The following GATAD1 variants were observed in gnomAD, a reference collection of about 807,000 sequenced individuals.
The protein encoded by GATAD1 is GATA zinc finger domain containing 1.
Under a neutral mutation model 26.5 loss-of-function variants are expected in GATAD1, and 12 were observed. The observed-to-expected ratio is 0.45, with a 90% CI of 0.29 to 0.73. The LOEUF (loss-of-function observed/expected upper bound fraction) is 0.73. Ranked by LOEUF, GATAD1 falls within the 30% of genes least tolerant of loss-of-function variation. GATAD1 has a pLI of 0.10. For missense variants in GATAD1, 266 were observed against 342.1 expected (o/e 0.78, Z 1.75); for synonymous variants, 129 against 133.1 (o/e 0.97, Z 0.21).
chr7:92,456,595 TGTG>T lies in GATAD1; in HGVS notation c.*38_*40del, dbSNP rs1172124956. On this transcript the variant is annotated 3_prime_UTR_variant, in exon 5 of 5. Coordinates refer to ENST00000287957, the MANE Select transcript of GATAD1 (RefSeq NM_021167.5). ...ATTAAAACTGGGTTTCCAGGCCTGG[TGTG>T]GTGGCTCACGCCTGTAGCCCCAGCT... is the stretch of plus-strand genomic sequence containing the variant. The T allele has an allele frequency of 4.8e-6, 7 of 1,446,238 alleles. No homozygotes were observed. Among genetic ancestry groups the T allele is most frequent in the Non-Finnish European group, 6.8e-6 (7 of 1,033,530 alleles). 89.6% of individuals were successfully genotyped at this position (1,446,238 alleles called of 1,614,324 possible).
Position 92,450,766 on chromosome 7 carries a change from C to G in GATAD1, c.435+6C>G, listed in dbSNP as rs1278297047. 1 of 1,585,464 alleles carries G rather than the reference C, an allele frequency of 6.3e-7. No homozygotes were observed. The highest frequency in any genetic ancestry group is 1.3e-5 in the African/African-American group (1 of 74,496). On this transcript the variant is annotated splice_donor_region_variant and intron_variant, in intron 3 of 4. Transcript: ENST00000287957. ...CAGAATCAATCTTCTACAAGGTAAG[C>G]TTTTGTAGAGTTACTGAAGGAAGAG...
At chr7:92,485,331 G>C in the GATAD1 span, among the ~76,000 whole-genome samples, 1 of 152,076 alleles carries the variant, frequency 6.6e-6, no homozygotes, top group Non-Finnish European at 1.5e-5. Flanking sequence ...CCAGTCATTG[G>C]AGCCATATCA....
chr7:92,479,267 G>A, the GATAD1 span, among the ~76,000 whole-genome samples: 1 of 152,148 alleles, frequency 6.6e-6, no homozygotes, highest in African/African-American at 2.4e-5. Context: ...ATTTCACCTG[G>A]GTGCAGGCGG....
the GATAD1 span, chr7:92,487,603 T>C: frequency 8.4e-6 from 6 of 717,594 alleles, no homozygotes; most frequent in Non-Finnish European, 9.5e-6. Flanking sequence ...CAAAAGATAA[T>C]GGATTGTTGG....
intron 4 of GATAD1, among the ~76,000 whole-genome samples, chr7:92,456,010 C>G (rs1789654436): frequency 6.6e-6 from 1 of 152,156 alleles, no homozygotes. Context: ...GTGACTTTGG[C>G]AAGTTTCTTA....
At chr7:92,487,564 T>A in the GATAD1 span, 1 of 1,133,376 alleles carries the variant, frequency 8.8e-7, no homozygotes, top group Non-Finnish European at 1.3e-6. Flanking sequence ...AGAGATAATT[T>A]AATATGTATA....
the GATAD1 span, among the ~76,000 whole-genome samples, chr7:92,477,200 C>T: frequency 7.9e-3 from 1,206 of 152,254 alleles, 19 homozygotes; most frequent in African/African-American, 0.028. Context: ...CAAACCAAGT[C>T]CCCAACCCAG....
chr7:92,465,097 T>G, the GATAD1 span: 1 of 152,234 alleles, frequency 6.6e-6, no homozygotes, highest in Non-Finnish European at 1.5e-5. Flanking sequence ...TCCCTCATTC[T>G]ACAGATAGGA....
In GATAD1 at chr7:92,447,722, C is replaced by G. The variant is rs1461956278; in HGVS notation, c.-8C>G. 6.8e-7 allele frequency: 1 copy of G among 1,462,294 alleles called. No individual in the cohort carries two copies. The highest frequency in any genetic ancestry group is 9.0e-7 in the Non-Finnish European group (1 of 1,106,374). The allele number at this position is 1,462,294 out of a possible 1,614,324, so 90.6% of individuals were successfully genotyped here. On this transcript the variant is annotated 5_prime_UTR_variant, in exon 1 of 5. Coordinates refer to ENST00000287957, the MANE Select transcript of GATAD1 (RefSeq NM_021167.5). ...CTGCGCCCGCGGGGGCCGCCCGAGC[C>G]GGCCACCATGCCGCTGGGCCTGAAG...
intron 2 of GATAD1, chr7:92,449,118 A>G: frequency 8.5e-7 from 1 of 1,182,764 alleles, no homozygotes. Flanking sequence ...TGGAAAATAT[A>G]AAATATGGGT....
chr7:92,480,249 G>T, the GATAD1 span, among the ~76,000 whole-genome samples: 6 of 150,528 alleles, frequency 4.0e-5, no homozygotes, highest in South Asian at 1.3e-3. Context: ...AGAAATGACT[G>T]CAGTGGCCTT....
chr7:92,487,947 C>T, the GATAD1 span, among the ~76,000 whole-genome samples: 1 of 152,098 alleles, frequency 6.6e-6, no homozygotes, highest in African/African-American at 2.4e-5. Context: ...ATTTCAAAAG[C>T]CTTAAAAAAT....
intron 3 of GATAD1, among the ~76,000 whole-genome samples, chr7:92,452,056 T>C (rs939965431): frequency 3.9e-5 from 6 of 152,260 alleles, no homozygotes; most frequent in Non-Finnish European, 4.4e-5. Flanking sequence ...AATGAAATCA[T>C]ATGTGTTAAG....
At chr7:92,448,913 GACGTT>G in intron 2 of GATAD1, 36 bp downstream of exon 2, 1 of 1,589,542 alleles carries the variant, frequency 6.3e-7, no homozygotes, top group Non-Finnish European at 8.6e-7. Context: ...TTACTGTAAT[GACGTT>G]GTGTGTATCC....
chr7:92,494,757 CAACA>C, the GATAD1 span: 1 of 498,574 alleles, frequency 2.0e-6, no homozygotes, highest in Non-Finnish European at 3.1e-6. Context: ...TTAATTTTTA[CAACA>C]AACCCTTAAA....
rs34768413 is a variant in GATAD1, at chr7:92,456,449, C to T, written c.697C>T (p.Arg233Trp). 23,735 of 1,611,378 alleles carry T rather than the reference C, an allele frequency of 0.015. 234 individuals carry two copies. Among genetic ancestry groups the T allele is most frequent in the Middle Eastern group, 0.019 (116 of 6,060 alleles). Residue 233 changes from arginine (R) to tryptophan (W), a missense_variant, in exon 5 of 5, where the codon CGG becomes TGG. Transcript: ENST00000287957. Reference sequence around the variant, plus strand: ...TGCACCTTCTGAGTATTTCAAGTCACGGTCATCACCATTTCCCACAGTTCC... The same window carrying T: ...TGCACCTTCTGAGTATTTCAAGTCATGGTCATCACCATTTCCCACAGTTCC... Reference protein sequence around the residue: ...CHAPSEYFKSRSSPFPTVPTR... With the variant: ...CHAPSEYFKSWSSPFPTVPTR...
intron 4 of GATAD1, among the ~76,000 whole-genome samples, chr7:92,455,118 G>A (rs182448808): frequency 1.3e-5 from 2 of 150,678 alleles, no homozygotes; most frequent in African/African-American, 4.9e-5. Context: ...GGCGGGGGGG[G>A]ATGCAATTCA....
the GATAD1 span, among the ~76,000 whole-genome samples, chr7:92,477,100 G>T: frequency 2.6e-5 from 4 of 152,168 alleles, no homozygotes; most frequent in African/African-American, 9.7e-5. Context: ...ATCTCAACCG[G>T]CTACTGCCGG....
the GATAD1 span, chr7:92,487,323 C>T: frequency 3.4e-6 from 2 of 586,002 alleles, no homozygotes; most frequent in Non-Finnish European, 3.0e-6. Context: ...ATAGCATTTA[C>T]CAATCTGTGA....
Sources: allele counts gnomAD v4.1 joint callset (sites outside exome capture counted in the v4.1 genomes callset), GRCh38; gene constraint gnomAD v4.1.1; transcripts MANE v1.5; gene names NCBI Gene and HGNC (gene_info 2026-07-23, HGNC 2026-07-21).